CAPZA1: variants seen among roughly 807,000 people sequenced by gnomAD.
CAPZA1 encodes F-actin-capping protein subunit alpha-1.
CAPZA1 carries 10 observed loss-of-function variants against 40.8 expected under a neutral mutation model. The ratio of observed to expected loss-of-function variants is 0.25; its 90% CI spans 0.15 to 0.42. The LOEUF (loss-of-function observed/expected upper bound fraction) is 0.42, where lower values mean the gene tolerates loss of function less well. CAPZA1 is among the 10% of genes least tolerant of loss of function. The probability of loss-of-function intolerance (pLI) is 1.00; values close to 1 mark genes in which losing one functional copy is unlikely to be tolerated. For synonymous variants in CAPZA1, 98 were observed against 115.0 expected (o/e 0.85, Z 0.95); for missense variants, 277 against 353.8 (o/e 0.78, Z 1.74).
At chr1:112,630,435 C>T (rs1197763273) in intron 1 of CAPZA1, among the ~76,000 whole-genome samples, 1 of 152,134 alleles carries the variant, frequency 6.6e-6, no homozygotes, top group Non-Finnish European at 1.5e-5. Context: ...CCTCCGTCCC[C>T]CAGGTTCAAG....
chr1:112,630,336 T>C (rs1249271560), intron 1 of CAPZA1, among the ~76,000 whole-genome samples: 1 of 151,930 alleles, frequency 6.6e-6, no homozygotes, highest in Non-Finnish European at 1.5e-5. Flanking sequence ...TTTTTTAATT[T>C]TTTATTTGTA....
At chr1:112,646,219 C>G (rs1465188449) in intron 1 of CAPZA1, among the ~76,000 whole-genome samples, 1 of 152,268 alleles carries the variant, frequency 6.6e-6, no homozygotes, top group East Asian at 1.9e-4. Context: ...CCATAGCATT[C>G]CTTGTGCCCT....
At chr1:112,632,848 T>TA (rs1230187557) in intron 1 of CAPZA1, among the ~76,000 whole-genome samples, 1 of 152,224 alleles carries the variant, frequency 6.6e-6, no homozygotes, top group Non-Finnish European at 1.5e-5. Context: ...TAAAGACTAT[T>TA]AAAATGACTT....
At chr1:112,632,847 T>C (rs1670947560) in intron 1 of CAPZA1, among the ~76,000 whole-genome samples, 1 of 152,226 alleles carries the variant, frequency 6.6e-6, no homozygotes, top group Non-Finnish European at 1.5e-5. Context: ...CTAAAGACTA[T>C]TAAAATGACT....
At chr1:112,640,169 C>T (rs1671117906) in intron 1 of CAPZA1, among the ~76,000 whole-genome samples, 1 of 123,194 alleles carries the variant, frequency 8.1e-6, no homozygotes, top group Non-Finnish European at 1.8e-5. Flanking sequence ...CGGCCAGCCG[C>T]CCAGTCCGGG....
chr1:112,661,893 T>G (rs1671619779), intron 7 of CAPZA1, among the ~76,000 whole-genome samples: 1 of 152,244 alleles, frequency 6.6e-6, no homozygotes, highest in Non-Finnish European at 1.5e-5. Context: ...TTCATTTACA[T>G]ATCTTTTAAA....
intron 1 of CAPZA1, among the ~76,000 whole-genome samples, chr1:112,624,627 A>AAG: frequency 6.6e-6 from 1 of 150,456 alleles, no homozygotes; most frequent in African/African-American, 2.4e-5. Flanking sequence ...AAAAAAAAAA[A>AAG]AAAAGAGGTA....
rs58051216 is a variant in CAPZA1, at chr1:112,670,362, C to CTTTTTTTTTTTTTTTTTTTTT, written c.*249_*250insTTTTTTTTTTTTTTTTTTTTT. On this transcript the variant is annotated 3_prime_UTR_variant, in exon 10 of 10. Coordinates refer to ENST00000263168, the MANE Select transcript of CAPZA1 (RefSeq NM_006135.3). ...TATATCTACGTGTAAATCTTTTTTT[C>CTTTTTTTTTTTTTTTTTTTTT]TTTTTTTTTTTTTTTTTTTGGTTAA... 2 of 143,902 alleles carry CTTTTTTTTTTTTTTTTTTTTT rather than the reference C, an allele frequency of 1.4e-5. No homozygotes were observed. Among genetic ancestry groups the CTTTTTTTTTTTTTTTTTTTTT allele is most frequent in the Admixed American group, 1.0e-4 (1 of 9,912 alleles). The allele number at this position is 143,902 out of a possible 1,614,324, so 8.9% of individuals were successfully genotyped here. A position where few individuals can be genotyped will look rare whatever the true frequency, so the allele number is the denominator to read the frequency against.
chr1:112,653,880 T>C (rs754908693), intron 4 of CAPZA1, among the ~76,000 whole-genome samples: 1 of 152,192 alleles, frequency 6.6e-6, no homozygotes, highest in Non-Finnish European at 1.5e-5. Flanking sequence ...ACAGTGAAAA[T>C]GGAAGTATTT....
intron 7 of CAPZA1, among the ~76,000 whole-genome samples, chr1:112,664,230 CAAAAA>C (rs570249032): frequency 2.7e-5 from 3 of 110,448 alleles, no homozygotes. Context: ...GACACTGTCT[CAAAAA>C]AAAAAAAAAA....
rs58051216 is a variant in CAPZA1, at chr1:112,670,362, CTTTTTTTTT to C, written c.*241_*249del. ...TATATCTACGTGTAAATCTTTTTTTCTTTTTTTTTTTTTTTTTTTGGTTAATTCTGCCAC... is the reference window on the plus strand; with the variant it reads ...TATATCTACGTGTAAATCTTTTTTTCTTTTTTTTTTGGTTAATTCTGCCAC... On this transcript the variant is annotated 3_prime_UTR_variant, in exon 10 of 10. Transcript: ENST00000263168. 10 of 145,650 alleles carry C rather than the reference CTTTTTTTTT, an allele frequency of 6.9e-5. No homozygotes were observed. The highest frequency in any genetic ancestry group is 6.2e-5 in the Non-Finnish European group (5 of 80,652). The allele number at this position is 145,650 out of a possible 1,614,324, so 9.0% of individuals were successfully genotyped here.
At chr1:112,656,734 A>G (rs1474481573) in intron 5 of CAPZA1, among the ~76,000 whole-genome samples, 3 of 152,092 alleles carry the variant, frequency 2.0e-5, no homozygotes, top group East Asian at 3.9e-4. Context: ...TGTCTGCTGT[A>G]TATAAGTATC....
chr1:112,632,427 A>C (rs1349957804), intron 1 of CAPZA1, among the ~76,000 whole-genome samples: 1 of 152,188 alleles, frequency 6.6e-6, no homozygotes, highest in African/African-American at 2.4e-5. Context: ...AGAGGAGACC[A>C]TGAGGGTAGG....
intron 1 of CAPZA1, among the ~76,000 whole-genome samples, chr1:112,646,329 C>T (rs757561685): frequency 1.2e-4 from 19 of 152,130 alleles, no homozygotes; most frequent in Non-Finnish European, 2.5e-4. Flanking sequence ...CCAATAATCC[C>T]AACACTTTGG....
At chr1:112,656,373 G>C (rs912201187) in intron 5 of CAPZA1, among the ~76,000 whole-genome samples, 3 of 150,170 alleles carry the variant, frequency 2.0e-5, no homozygotes, top group African/African-American at 7.4e-5. Flanking sequence ...GCCTGGAACA[G>C]TGCCTGGCAC....
At position 112,661,651 on chromosome 1, in the gene CAPZA1, T is replaced by C. The variant is rs570220461; in HGVS notation, c.585+1872T>C. Reference sequence around the variant, plus strand: ...CATTAGCATTAACTTCCTAGAACCATGGTATCAGCATTGTAGAAGCTTATT... The same window carrying C: ...CATTAGCATTAACTTCCTAGAACCACGGTATCAGCATTGTAGAAGCTTATT... On this transcript the variant is annotated intron_variant, in intron 7 of 9. Transcript: ENST00000263168. 4.6e-5 allele frequency among the ~76,000 whole-genome samples: 7 copies of C among 152,364 alleles called. No homozygotes were observed. The South Asian group carries it at 1.4e-3, about 32-fold the overall frequency.
At chr1:112,668,020 T>C (rs1671757965) in intron 8 of CAPZA1, among the ~76,000 whole-genome samples, 1 of 150,740 alleles carries the variant, frequency 6.6e-6, no homozygotes, top group Non-Finnish European at 1.5e-5. Flanking sequence ...GAGTGGTGGC[T>C]CACACCTGTA....
intron 7 of CAPZA1, among the ~76,000 whole-genome samples, chr1:112,662,264 G>A (rs1260135595): frequency 1.3e-5 from 2 of 151,822 alleles, no homozygotes; most frequent in Admixed American, 6.6e-5. Flanking sequence ...ACATACCACT[G>A]TACCTGGCCA....
intron 1 of CAPZA1, among the ~76,000 whole-genome samples, chr1:112,627,597 A>C (rs1025362538): frequency 1.6e-4 from 21 of 132,098 alleles, no homozygotes; most frequent in Non-Finnish European, 2.8e-4. Flanking sequence ...ATGCCATTGC[A>C]CTCCAGCCTG....
Sources: allele counts gnomAD v4.1 joint callset (sites outside exome capture counted in the v4.1 genomes callset), GRCh38; gene constraint gnomAD v4.1.1; transcripts MANE v1.5; gene names NCBI Gene and HGNC (gene_info 2026-07-23, HGNC 2026-07-21).